The following MRPS6 variants were observed in gnomAD, a reference collection of about 807,000 sequenced individuals.
The protein encoded by MRPS6 is small ribosomal subunit protein bS6m.
Under a neutral mutation model 13.1 loss-of-function variants are expected in MRPS6, and 6 were observed. That is an observed-to-expected ratio of 0.46 (90% CI 0.25 to 0.91). MRPS6 has a LOEUF of 0.91. MRPS6 is among the 40% of genes least tolerant of loss of function. MRPS6 has a pLI of 0.18. For synonymous variants in MRPS6, 61 were observed against 56.5 expected, an observed-to-expected ratio of 1.08 and a Z score of -0.36; for missense variants, 164 against 155.6, an observed-to-expected ratio of 1.05 and a Z score of -0.29.
intron 1 of MRPS6, among the ~76,000 whole-genome samples, chr21:34,085,056 A>G (rs370358117): frequency 6.6e-6 from 1 of 152,212 alleles, no homozygotes; most frequent in African/African-American, 2.4e-5. Flanking sequence ...ACCACCAAAT[A>G]TTCAATTCAT....
At chr21:34,122,878 A>G (rs896144830) in intron 1 of MRPS6, 1 of 152,332 alleles carries the variant, frequency 6.6e-6, no homozygotes. Flanking sequence ...CTGCAGATGT[A>G]TGGCGATGTC....
chr21:34,093,919 A>C (rs1978839792), intron 1 of MRPS6, among the ~76,000 whole-genome samples: 1 of 152,112 alleles, frequency 6.6e-6, no homozygotes, highest in African/African-American at 2.4e-5. Flanking sequence ...TGGCGGACAT[A>C]ATAATAAATC....
chr21:34,135,492 G>C, intron 2 of MRPS6: 1 of 504,982 alleles, frequency 2.0e-6, no homozygotes. Context: ...CAAAGGAGTT[G>C]GAGGAGCCCT....
Position 34,096,585 on chromosome 21 carries a change from A to G in MRPS6, c.45+22840A>G. 1 of 1,614,094 alleles carries G rather than the reference A, an allele frequency of 6.2e-7. No homozygotes were observed. Among genetic ancestry groups the G allele is most frequent in the East Asian group, 2.2e-5 (1 of 44,876 alleles). On this transcript the variant is annotated intron_variant, in intron 1 of 2. Coordinates refer to ENST00000399312, the MANE Select transcript of MRPS6 (RefSeq NM_032476.4). The surrounding 1 kb of genome is among the most constrained non-coding windows in gnomAD (Gnocchi z 5.9). ...CTTGTTCCTGCTGGCAATTTTCTGGAAGCGCTGCAATGAACAAGGGGCTTT... is the reference window on the plus strand; with the variant it reads ...CTTGTTCCTGCTGGCAATTTTCTGGGAGCGCTGCAATGAACAAGGGGCTTT...
At chr21:34,092,974 C>T (rs1390541350) in intron 1 of MRPS6, among the ~76,000 whole-genome samples, 1 of 152,132 alleles carries the variant, frequency 6.6e-6, no homozygotes, top group African/African-American at 2.4e-5. Flanking sequence ...CTGCGAACAG[C>T]AGTTTTCATT....
chr21:34,141,987 A>T (rs1284101179), intron 2 of MRPS6, among the ~76,000 whole-genome samples: 1 of 152,192 alleles, frequency 6.6e-6, no homozygotes, highest in African/African-American at 2.4e-5. Flanking sequence ...TCACAGGGAA[A>T]ATCCTTTGAA....
chr21:34,074,123 C>A (rs1410418077), intron 1 of MRPS6, among the ~76,000 whole-genome samples: 2 of 148,664 alleles, frequency 1.3e-5, no homozygotes, highest in Non-Finnish European at 3.0e-5. Flanking sequence ...CGACTCCGGC[C>A]CGTCCCCGCC....
intron 1 of MRPS6, among the ~76,000 whole-genome samples, chr21:34,111,488 A>G (rs1019474095): frequency 1.3e-5 from 2 of 152,228 alleles, no homozygotes; most frequent in South Asian, 4.1e-4. Context: ...AATGTTGAAG[A>G]TAAATGTATT....
At chr21:34,085,757 C>T (rs376580394) in intron 1 of MRPS6, among the ~76,000 whole-genome samples, 21 of 152,056 alleles carry the variant, frequency 1.4e-4, no homozygotes, top group Non-Finnish European at 2.4e-4. Context: ...CGCCCGCCAC[C>T]GCACCCAGCT....
intron 2 of MRPS6, among the ~76,000 whole-genome samples, chr21:34,126,872 T>C (rs1980324810): frequency 6.6e-6 from 1 of 152,192 alleles, no homozygotes; most frequent in Non-Finnish European, 1.5e-5. Context: ...GCCTGAGTAA[T>C]GCTGACGTCA....
Position 34,142,651 on chromosome 21 carries a change from G to A in MRPS6, c.*51G>A. On this transcript the variant is annotated 3_prime_UTR_variant, in exon 3 of 3. Transcript: ENST00000399312. ...TATGTAATTCCTTCACATTTGGGCA[G>A]CATGGACGAGAAGGAAGAATTTGCA... 2.0e-6 allele frequency: 3 copies of A among 1,491,024 alleles called. No individual in the cohort carries two copies. Among genetic ancestry groups the A allele is most frequent in the Non-Finnish European group, 2.7e-6 (3 of 1,124,840 alleles). The allele number at this position is 1,491,024 out of a possible 1,614,324, so 92.4% of individuals were successfully genotyped here.
At chr21:34,106,889 C>G (rs1156995583) in intron 1 of MRPS6, among the ~76,000 whole-genome samples, 1 of 151,888 alleles carries the variant, frequency 6.6e-6, no homozygotes, top group Admixed American at 6.6e-5. Flanking sequence ...CCCCTTTAAT[C>G]TGGACTACTT....
At chr21:34,129,784 A>G (rs1362649267) in intron 2 of MRPS6, among the ~76,000 whole-genome samples, 1 of 152,074 alleles carries the variant, frequency 6.6e-6, no homozygotes, top group Non-Finnish European at 1.5e-5. Flanking sequence ...TCTCGTGTGT[A>G]GGTACTCCAC....
intron 1 of MRPS6, chr21:34,100,130 C>G: frequency 1.0e-6 from 1 of 999,032 alleles, no homozygotes; most frequent in Non-Finnish European, 1.2e-6. Flanking sequence ...TTGATATTGA[C>G]TAGAATAGCT....
chr21:34,142,525 A>G lies in MRPS6; in HGVS notation c.303A>G (p.Glu101=). Residue 101 remains glutamate (E), a synonymous_variant, in exon 3 of 3, where the codon GAA becomes GAG. Transcript: ENST00000399312. ...TTGTCAAACACCCTCTGACCCAGGA[A>G]CTAAAAGAATGTGAAGGGATTGTCC... is the stretch of plus-strand genomic sequence containing the variant. ...GNIVKHPLTQ[E]LKECEGIVPV... The G allele has an allele frequency of 1.2e-6, 2 of 1,613,714 alleles. No homozygotes were observed. The highest frequency in any genetic ancestry group is 1.7e-6 in the Non-Finnish European group (2 of 1,179,876).
At chr21:34,105,640 T>G (rs188888702) in intron 1 of MRPS6, 1 of 999,696 alleles carries the variant, frequency 1.0e-6, no homozygotes, top group East Asian at 1.1e-4. Context: ...TTAGGCATTG[T>G]AGGCCAAATG....
chr21:34,115,090 G>GCAC (rs1979851401), intron 1 of MRPS6, among the ~76,000 whole-genome samples: 2 of 152,180 alleles, frequency 1.3e-5, no homozygotes, highest in African/African-American at 4.8e-5. Context: ...ATTCAGCCAT[G>GCAC]CATTATCTCA....
rs1394815306 is a variant in MRPS6 at position 34,073,682 on chromosome 21, A to G, written c.-19A>G. 12 of 1,515,668 alleles carry G rather than the reference A, an allele frequency of 7.9e-6. No individual in the cohort carries two copies. Among genetic ancestry groups the G allele is most frequent in the Non-Finnish European group, 9.8e-6 (11 of 1,124,436 alleles). The allele number at this position is 1,515,668 out of a possible 1,614,324, so 93.9% of individuals were successfully genotyped here. A position where few individuals can be genotyped will look rare whatever the true frequency, so the allele number is the denominator to read the frequency against. Reference sequence around the variant, plus strand: ...GGGAACCGGCTGGCTTCCGAGCCGCACTCGCCGATCCTCCAGGCATGCCCC... The same window carrying G: ...GGGAACCGGCTGGCTTCCGAGCCGCGCTCGCCGATCCTCCAGGCATGCCCC... On this transcript the variant is annotated 5_prime_UTR_variant, in exon 1 of 3. Transcript: ENST00000399312.
chr21:34,073,863 A>G (rs2148649148), intron 1 of MRPS6, 118 bp downstream of exon 1: 1 of 502,332 alleles, frequency 2.0e-6, no homozygotes, highest in Non-Finnish European at 2.7e-6. Context: ...TCCTCGGAGG[A>G]GGCCGGGGCG....
Sources: gnomAD v4.1 joint callset for allele counts (sites outside exome capture counted in the v4.1 genomes callset) on GRCh38, gnomAD v4.1.1 for gene constraint, Gnocchi (gnomAD v3.1) non-coding constraint, MANE v1.5 for transcripts, NCBI Gene and HGNC (gene_info 2026-07-23, HGNC 2026-07-21) for gene names.